UNC13B: variants seen among roughly 807,000 people sequenced by gnomAD.
The protein encoded by UNC13B is unc-13 homolog B.
UNC13B carries 144 observed loss-of-function variants against 211.0 expected under a neutral mutation model. The ratio of observed to expected loss-of-function variants is 0.68; its 90% confidence interval spans 0.60 to 0.78. The LOEUF (loss-of-function observed/expected upper bound fraction) is 0.78. Among genes scored for constraint, UNC13B ranks in the 30% least tolerant of loss-of-function variants. The pLI, the probability that UNC13B is intolerant of heterozygous loss-of-function variation, is 0.00. For synonymous variants in UNC13B, 709 were observed against 725.8 expected, an observed-to-expected ratio of 0.98 and a Z score of 0.37; for missense variants, 1,777 against 2,002.0, an observed-to-expected ratio of 0.89 and a Z score of 2.14.
At chr9:35,192,399 C>T (rs1054960745) in intron 1 of UNC13B, among the ~76,000 whole-genome samples, 1 of 152,182 alleles carries the variant, frequency 6.6e-6, no homozygotes, top group Non-Finnish European at 1.5e-5. Flanking sequence ...CTGCCTTCTG[C>T]AGAACTGCCT....
chr9:35,391,723 G>T (rs769403772), intron 26 of UNC13B, among the ~76,000 whole-genome samples: 1 of 152,230 alleles, frequency 6.6e-6, no homozygotes, highest in Admixed American at 6.5e-5. Context: ...TCTGGCTCCA[G>T]TGGGTTTGGG....
In UNC13B at chr9:35,195,345, A is replaced by G. The variant is rs1466886424; in HGVS notation, c.23-32670A>G. On this transcript the variant is annotated intron_variant, in intron 1 of 39. Transcript: ENST00000635942. The stretch of plus-strand genomic sequence containing the variant: ...TAAGTGAGTTCTTCTTAACTCCTGT[A>G]TCAGTGTGCCCCCTTTCCACGCCAA... 3.3e-5 allele frequency among the ~76,000 whole-genome samples: 5 copies of G among 152,194 alleles called. No homozygotes were observed. The South Asian group carries it at 8.3e-4, about 25-fold the overall frequency.
chr9:35,163,318 A>G (rs138217685), intron 1 of UNC13B, among the ~76,000 whole-genome samples: 43 of 152,290 alleles, frequency 2.8e-4, no homozygotes, highest in African/African-American at 1.0e-3. Flanking sequence ...GATTAGAAGC[A>G]TTGTTGTTGT....
chr9:35,312,010 T>C (rs574475599), intron 10 of UNC13B, among the ~76,000 whole-genome samples: 63 of 152,306 alleles, frequency 4.1e-4, no homozygotes, highest in Non-Finnish European at 7.4e-4. Flanking sequence ...GTGTATATTA[T>C]AGGATGTTTA....
chr9:35,286,953 TA>T (rs1828832108), intron 7 of UNC13B, among the ~76,000 whole-genome samples: 1 of 151,992 alleles, frequency 6.6e-6, no homozygotes, highest in South Asian at 2.1e-4. Flanking sequence ...TAAACATAAG[TA>T]AAATGTTTCG....
At chr9:35,397,602 CCTTTCCTTTT>C (rs760615191) in intron 29 of UNC13B, 23 bp from the exon 30 acceptor site, 1 of 1,597,684 alleles carries the variant, frequency 6.3e-7, no homozygotes, top group Non-Finnish European at 8.5e-7. Flanking sequence ...CTAAGAGTTC[CCTTTCCTTTT>C]CTTTCCTTTC....
chr9:35,391,244 G>C lies in UNC13B; in HGVS notation c.11308+530G>C, dbSNP rs543716959. On this transcript the variant is annotated intron_variant, in intron 26 of 39. Coordinates refer to ENST00000635942, the MANE Select transcript of UNC13B (RefSeq NM_001371189.2). ...ATTATTCATCTTACTCATTCAGCTT[G>C]TTCTTTTATTCATTTCCTACCTTGG... Among the ~76,000 whole-genome samples, 3 of 152,260 alleles carry C rather than the reference G, an allele frequency of 2.0e-5. No individual in the cohort carries two copies. The South Asian group carries it at 6.2e-4, about 32-fold the overall frequency.
At position 35,218,332 on chromosome 9, in the gene UNC13B, C is replaced by A. The variant is rs534403636; in HGVS notation, c.23-9683C>A. ...TATTATTATGATTATTAATTTTACT[C>A]TTCAAGACTCTTATTTGGTGTGAGT... On this transcript the variant is annotated intron_variant, in intron 1 of 39. Coordinates refer to ENST00000635942, the MANE Select transcript of UNC13B (RefSeq NM_001371189.2). Among the ~76,000 whole-genome samples the A allele has an allele frequency of 6.6e-5, 10 of 152,160 alleles. No individual in the cohort carries two copies. In the South Asian group the frequency reaches 2.1e-3, roughly 32 times the overall value.
intron 11 of UNC13B, among the ~76,000 whole-genome samples, chr9:35,328,854 G>A (rs1405629254): frequency 2.6e-5 from 4 of 150,956 alleles, no homozygotes; most frequent in Non-Finnish European, 4.4e-5. Flanking sequence ...TGCAAGCTCC[G>A]CCTCCTGGGT....
Position 35,307,365 on chromosome 9 carries a change from A to G in UNC13B, c.7961A>G (p.Gln2654Arg). 2.5e-6 allele frequency: 1 copy of G among 399,054 alleles called. No individual in the cohort carries two copies. The highest frequency in any genetic ancestry group is 3.6e-5 in the East Asian group (1 of 28,070). 24.7% of individuals were successfully genotyped at this position (399,054 alleles called of 1,614,324 possible). The change falls in exon 9 of 40, where the codon CAG becomes CGG. Residue 2654 changes from glutamine (Q) to arginine (R), a missense_variant. Transcript: ENST00000635942. ...GCAGAGAACTTTGCGCTGCCAGCACAGTTGCATCCAGATCCTACCTGCATT... is the reference window on the plus strand; with the variant it reads ...GCAGAGAACTTTGCGCTGCCAGCACGGTTGCATCCAGATCCTACCTGCATT... ...LEAENFALPA[Q>R]LHPDPTCIAE...
intron 1 of UNC13B, among the ~76,000 whole-genome samples, chr9:35,190,246 C>T (rs979660045): frequency 1.3e-5 from 2 of 152,140 alleles, no homozygotes; most frequent in Non-Finnish European, 2.9e-5. Flanking sequence ...TCATGGGAGT[C>T]TTATCTCTCA....
Position 35,248,662 on chromosome 9 carries a change from G to A in UNC13B, c.468+5298G>A, listed in dbSNP as rs189571907. The stretch of plus-strand genomic sequence containing the variant: ...TTGTTGAGTTTCCATGTAGTTGAGC[G>A]GTTTTGAATGAGTTTATTACTCCTG... On this transcript the variant is annotated intron_variant, in intron 6 of 39. Transcript: ENST00000635942. Among the ~76,000 whole-genome samples the A allele has an allele frequency of 3.3e-5, 5 of 152,162 alleles. No homozygotes were observed. In the East Asian group the frequency reaches 9.6e-4, roughly 29 times the overall value.
intron 7 of UNC13B, among the ~76,000 whole-genome samples, chr9:35,279,456 T>A (rs866874715): frequency 6.6e-6 from 1 of 151,604 alleles, no homozygotes; most frequent in Non-Finnish European, 1.5e-5. Context: ...ATGAAATATG[T>A]TTTTTTTTAA....
intron 7 of UNC13B, among the ~76,000 whole-genome samples, chr9:35,268,193 C>T (rs915727276): frequency 1.3e-5 from 2 of 152,046 alleles, no homozygotes; most frequent in African/African-American, 4.8e-5. Context: ...TTCGTTTTTC[C>T]CCTCCCCAGG....
rs1358087012 is a variant in UNC13B at position 35,305,435 on chromosome 9, G to A, written c.6031G>A (p.Asp2011Asn). Residue 2011 changes from aspartate to asparagine, a missense_variant, in exon 9 of 40, where the codon GAT becomes AAT. Coordinates refer to ENST00000635942, the MANE Select transcript of UNC13B (RefSeq NM_001371189.2). ...GTCTGTTTCTTCAATGACTATTAAG[G>A]ATGAGGTCAGGTCAAGTCCTACTCC... ...NTSVSSMTIK[D>N]EVRSSPTPME... 7.5e-6 allele frequency: 3 copies of A among 398,858 alleles called. No homozygotes were observed. Among genetic ancestry groups the A allele is most frequent in the East Asian group, 7.1e-5 (2 of 28,088 alleles). The allele number at this position is 398,858 out of a possible 1,614,324, so 24.7% of individuals were successfully genotyped here.
At chr9:35,275,413 T>C (rs998949665) in intron 7 of UNC13B, among the ~76,000 whole-genome samples, 2 of 152,178 alleles carry the variant, frequency 1.3e-5, no homozygotes, top group African/African-American at 2.4e-5. Flanking sequence ...AAAGGGAGTA[T>C]AGTAAAAAGT....
chr9:35,312,348 T>G (rs1159906228), intron 10 of UNC13B, among the ~76,000 whole-genome samples: 1 of 152,190 alleles, frequency 6.6e-6, no homozygotes, highest in Non-Finnish European at 1.5e-5. Flanking sequence ...CCTTTTTTGG[T>G]TTTTGGTCAT....
intron 22 of UNC13B, chr9:35,384,712 T>C (rs970622618): frequency 1.4e-5 from 14 of 985,446 alleles, no homozygotes; most frequent in Non-Finnish European, 1.6e-5. Context: ...TGTGAGAATC[T>C]GGCTAGGGGA....
intron 5 of UNC13B, among the ~76,000 whole-genome samples, chr9:35,241,441 T>C (rs1825800158): frequency 6.6e-6 from 1 of 152,154 alleles, no homozygotes; most frequent in African/African-American, 2.4e-5. Context: ...AATAAATTAA[T>C]AATGGTTTAA....
Sources: allele counts gnomAD v4.1 joint callset (sites outside exome capture counted in the v4.1 genomes callset), GRCh38; gene constraint gnomAD v4.1.1; transcripts MANE v1.5; gene names NCBI Gene and HGNC (gene_info 2026-07-23, HGNC 2026-07-21).